Variants in THEMIS observed in about 807,000 individuals in gnomAD.
THEMIS encodes protein THEMIS.
THEMIS carries 37 observed loss-of-function variants against 52.6 expected under a neutral mutation model. The observed-to-expected ratio is 0.70, with a 90% CI of 0.54 to 0.93. THEMIS has a LOEUF of 0.93. THEMIS is among the 40% of genes least tolerant of loss of function. The pLI is 0.00. For missense variants in THEMIS, 808 were observed against 763.1 expected (o/e 1.06, Z -0.69); for synonymous variants, 292 against 272.7 (o/e 1.07, Z -0.70).
chr6:127,825,847 G>A (rs1207857474), intron 3 of THEMIS, among the ~76,000 whole-genome samples: 1 of 151,578 alleles, frequency 6.6e-6, no homozygotes, highest in East Asian at 1.9e-4. Context: ...AATGCTCTAA[G>A]ACTTAGGATA....
chr6:127,837,221 A>T (rs1325691179), intron 2 of THEMIS, among the ~76,000 whole-genome samples: 1 of 152,120 alleles, frequency 6.6e-6, no homozygotes, highest in South Asian at 2.1e-4. Context: ...AAAACTAAGA[A>T]TAATAGACCA....
At chr6:127,850,489 C>T (rs1181131613) in intron 2 of THEMIS, among the ~76,000 whole-genome samples, 1 of 151,842 alleles carries the variant, frequency 6.6e-6, no homozygotes, top group Non-Finnish European at 1.5e-5. Context: ...ACTGACCTAA[C>T]TGTCCATCAA....
At chr6:127,798,761 C>G (rs562332349) in intron 4 of THEMIS, among the ~76,000 whole-genome samples, 68 of 152,014 alleles carry the variant, frequency 4.5e-4, no homozygotes, top group Non-Finnish European at 7.4e-4. Context: ...GAGGCCGAGG[C>G]GGGCGGATCA....
At chr6:127,787,338 T>G (rs1227002827) in intron 4 of THEMIS, among the ~76,000 whole-genome samples, 1 of 151,954 alleles carries the variant, frequency 6.6e-6, no homozygotes, top group Non-Finnish European at 1.5e-5. Flanking sequence ...CTGGAAAACT[T>G]GCATAGATCT....
chr6:127,702,616 G>GTTT, the THEMIS span, among the ~76,000 whole-genome samples: 1 of 140,866 alleles, frequency 7.1e-6, no homozygotes, highest in Non-Finnish European at 1.5e-5. Context: ...TGTCTAACCT[G>GTTT]TTTTTTTTTT....
At position 127,719,718 on chromosome 6, in the gene THEMIS, T is replaced by G; in HGVS notation, c.1864A>C (p.Arg622=). 4 of 1,611,956 alleles carry G rather than the reference T, an allele frequency of 2.5e-6. No homozygotes were observed. In the South Asian group the frequency reaches 4.4e-5, roughly 18 times the overall value. The change falls in exon 5 of 6, where the codon AGG becomes CGG. Residue 622 remains arginine (R), a synonymous_variant. Transcript: ENST00000368248. The part of the protein sequence containing the change: ...QNDLVDEEKE[R]SNRGATAIAE... ...ATTGCTGTGGCCCCACGGTTGCTCC[T>G]TTCTTTCTCTTCATCCACCAAATCA...
chr6:127,808,827 ATTCT>A (rs1185726890), intron 4 of THEMIS, among the ~76,000 whole-genome samples: 1 of 152,140 alleles, frequency 6.6e-6, no homozygotes, highest in Non-Finnish European at 1.5e-5. Context: ...TTGGAAAACA[ATTCT>A]TTCTATTTCT....
chr6:127,778,802 A>G (rs1038266332), intron 4 of THEMIS, among the ~76,000 whole-genome samples: 3 of 150,860 alleles, frequency 2.0e-5, no homozygotes, highest in African/African-American at 2.4e-5. Flanking sequence ...TGTTTATTAA[A>G]GTCTAGTCCT....
At chr6:127,697,236 A>T in the THEMIS span, among the ~76,000 whole-genome samples, 1 of 152,144 alleles carries the variant, frequency 6.6e-6, no homozygotes, top group Non-Finnish European at 1.5e-5. Context: ...TCTTCAAGTC[A>T]TCCTTGACTC....
At chr6:127,914,227 T>C (rs1001249452) in intron 1 of THEMIS, among the ~76,000 whole-genome samples, 1 of 152,228 alleles carries the variant, frequency 6.6e-6, no homozygotes, top group Non-Finnish European at 1.5e-5. Context: ...TCAAAAAGTT[T>C]CAGATTTTGG....
At chr6:127,736,992 C>T (rs530857260) in intron 4 of THEMIS, among the ~76,000 whole-genome samples, 4 of 152,032 alleles carry the variant, frequency 2.6e-5, no homozygotes, top group Admixed American at 2.0e-4. Flanking sequence ...TCATTTGATG[C>T]CTGTAGTGTT....
chr6:127,730,177 G>A (rs1774715781), intron 4 of THEMIS, among the ~76,000 whole-genome samples: 1 of 151,848 alleles, frequency 6.6e-6, no homozygotes, highest in African/African-American at 2.4e-5. Flanking sequence ...TGAGGCTGGA[G>A]GATTGCTTTA....
At chr6:127,707,235 G>A (rs1024116031), downstream of THEMIS, among the ~76,000 whole-genome samples, 6 of 152,064 alleles carry the variant, frequency 3.9e-5, no homozygotes, top group Non-Finnish European at 7.4e-5. Flanking sequence ...AATTCAAGAC[G>A]AGATTTAGAT....
chr6:127,801,174 A>G (rs928501278), intron 4 of THEMIS, among the ~76,000 whole-genome samples: 3 of 152,212 alleles, frequency 2.0e-5, no homozygotes, highest in Non-Finnish European at 4.4e-5. Flanking sequence ...GACTCTATAC[A>G]TAATACCTTT....
At chr6:127,771,788 T>A (rs1776393921) in intron 4 of THEMIS, among the ~76,000 whole-genome samples, 1 of 152,174 alleles carries the variant, frequency 6.6e-6, no homozygotes, top group Non-Finnish European at 1.5e-5. Flanking sequence ...CCATCCTTTT[T>A]ACTTCTCCAT....
At position 127,861,251 on chromosome 6, in the gene THEMIS, T is replaced by G. The variant is rs1166793051; in HGVS notation, c.92-6063A>C. Among the ~76,000 whole-genome samples the G allele has an allele frequency of 3.3e-5, 5 of 152,210 alleles. No individual in the cohort carries two copies. In the East Asian group the frequency reaches 7.7e-4, roughly 23 times the overall value. ...CTCTGCCTACATTTTATATCTTAAA[T>G]GTTAAATAAATTTAATATAGACATC... On this transcript the variant is annotated intron_variant, in intron 1 of 5. Transcript: ENST00000368248.
intron 4 of THEMIS, among the ~76,000 whole-genome samples, chr6:127,806,957 T>C (rs948081317): frequency 1.3e-5 from 2 of 152,262 alleles, no homozygotes; most frequent in African/African-American, 4.8e-5. Flanking sequence ...TTTAGTTGTC[T>C]GTTTATAGCC....
intron 4 of THEMIS, among the ~76,000 whole-genome samples, chr6:127,786,921 T>G (rs1457858886): frequency 6.6e-6 from 1 of 152,166 alleles, no homozygotes. Flanking sequence ...GCAATCACAG[T>G]AGCTGTGAGA....
chr6:127,705,651 C>T (rs1193794042), downstream of THEMIS, among the ~76,000 whole-genome samples: 1 of 152,194 alleles, frequency 6.6e-6, no homozygotes, highest in African/African-American at 2.4e-5. Flanking sequence ...CCTCAGCCAG[C>T]ACCGCCACAG....
Sources: gnomAD v4.1 joint callset for allele counts (sites outside exome capture counted in the v4.1 genomes callset) on GRCh38, gnomAD v4.1.1 for gene constraint, MANE v1.5 for transcripts, NCBI Gene and HGNC (gene_info 2026-07-23, HGNC 2026-07-21) for gene names.